FRMPD4: variants seen among roughly 807,000 people sequenced by gnomAD.
FRMPD4 encodes the protein FERM and PDZ domain-containing protein 4.
A neutral mutation model predicts 94.1 loss-of-function variants in FRMPD4; 22 were observed. The observed-to-expected ratio is 0.23, with a 90% CI of 0.17 to 0.33. The LOEUF (loss-of-function observed/expected upper bound fraction) is 0.33, where lower values mean the gene tolerates loss of function less well. FRMPD4 is among the 10% of genes least tolerant of loss of function. The pLI, the probability that FRMPD4 is intolerant of heterozygous loss-of-function variation, is 1.00. For synonymous variants in FRMPD4, 631 were observed against 548.6 expected (o/e 1.15, Z -2.10); for missense variants, 1,111 against 1,339.9 (o/e 0.83, Z 2.67).
chrX:12,692,969 C>G (rs2060092533), intron 8 of FRMPD4, among the ~76,000 whole-genome samples: 2 of 111,480 alleles, frequency 1.8e-5, no homozygotes, highest in South Asian at 7.6e-4. Flanking sequence ...GCCCTCAAGT[C>G]TCAGGAATCC....
intron 1 of FRMPD4, among the ~76,000 whole-genome samples, chrX:12,287,726 A>G (rs1431757567): frequency 8.9e-6 from 1 of 112,015 alleles, no homozygotes; most frequent in Non-Finnish European, 1.9e-5. Context: ...AGATCAGATC[A>G]GAAAGGTAGG....
At chrX:11,886,762 T>C (rs772268683) in intron 3 of FRMPD4, among the ~76,000 whole-genome samples, 264 of 111,268 alleles carry the variant, frequency 2.4e-3, no homozygotes, top group African/African-American at 8.3e-3. Context: ...TTGCTTATTC[T>C]ATTTCTCCAT....
chrX:12,686,302 C>CT (rs1180077697), intron 7 of FRMPD4, 98 bp downstream of exon 7: 4 of 451,453 alleles, frequency 8.9e-6, no homozygotes, highest in Non-Finnish European at 1.6e-5. Context: ...AGAACTATCC[C>CT]TTTATTTCTG....
chrX:12,592,998 C>G (rs143936602), intron 2 of FRMPD4, among the ~76,000 whole-genome samples: 3 of 111,765 alleles, frequency 2.7e-5, no homozygotes, highest in African/African-American at 9.8e-5. Flanking sequence ...AATTCTTCCT[C>G]CCACTCTAAC....
rs972822068 is a variant in FRMPD4 at position 12,648,775 on chromosome X, C to T, written c.423-26088C>T. 2.7e-5 allele frequency among the ~76,000 whole-genome samples: 3 copies of T among 112,208 alleles called. No individual in the cohort carries two copies. The East Asian group carries it at 8.4e-4, about 31-fold the overall frequency. ...TGGGAACTTTGAATACTGATAATGA[C>T]TTTACCATGGATAGAAGGAAAGGAC... On this transcript the variant is annotated intron_variant, in intron 4 of 16. Coordinates refer to ENST00000675598, the MANE Select transcript of FRMPD4 (RefSeq NM_001368397.1).
intron 2 of FRMPD4, among the ~76,000 whole-genome samples, chrX:12,550,102 C>G (rs2058518079): frequency 9.0e-6 from 1 of 111,339 alleles, no homozygotes; most frequent in Admixed American, 9.6e-5. Context: ...ACATATGTGA[C>G]AGGGTCAATC....
intron 2 of FRMPD4, among the ~76,000 whole-genome samples, chrX:12,542,364 T>A (rs1428135797): frequency 8.9e-6 from 1 of 112,393 alleles, no homozygotes; most frequent in Non-Finnish European, 1.9e-5. Context: ...AAAATCTCCT[T>A]AAGCTGATAA....
chrX:12,445,353 G>A (rs905976189), intron 1 of FRMPD4, among the ~76,000 whole-genome samples: 3 of 112,460 alleles, frequency 2.7e-5, no homozygotes, highest in Non-Finnish European at 5.6e-5. Flanking sequence ...TACATTGGTA[G>A]TATCTCATGC....
chrX:11,977,592 T>C (rs1023903260), intron 3 of FRMPD4, among the ~76,000 whole-genome samples: 6 of 111,878 alleles, frequency 5.4e-5, no homozygotes, highest in Non-Finnish European at 9.4e-5. Context: ...TGAGAACATG[T>C]GCCCAAGGTG....
intron 3 of FRMPD4, among the ~76,000 whole-genome samples, chrX:11,986,811 C>A (rs1038541426): frequency 1.8e-5 from 2 of 109,752 alleles, no homozygotes; most frequent in Admixed American, 2.0e-4. Flanking sequence ...CTAGAGGAAA[C>A]GGATAAATTT....
chrX:12,253,456 C>G (rs1601744013), intron 1 of FRMPD4, among the ~76,000 whole-genome samples: 1 of 112,133 alleles, frequency 8.9e-6, no homozygotes, highest in East Asian at 2.8e-4. Flanking sequence ...GAGTTTTATA[C>G]TCTTGTGGTT....
chrX:11,843,121 A>G (rs1040900948), intron 1 of FRMPD4, among the ~76,000 whole-genome samples: 2 of 112,010 alleles, frequency 1.8e-5, no homozygotes, highest in African/African-American at 6.5e-5. Flanking sequence ...CCAACATGTT[A>G]TATATACTTT....
chrX:11,822,820 TA>T (rs1309504172), intron 1 of FRMPD4, among the ~76,000 whole-genome samples: 4 of 112,363 alleles, frequency 3.6e-5, no homozygotes, highest in Non-Finnish European at 5.6e-5. Context: ...CAGTGCCCTT[TA>T]GGAAATCTAA....
intron 2 of FRMPD4, among the ~76,000 whole-genome samples, chrX:12,568,552 T>C (rs1419001300): frequency 1.8e-5 from 2 of 112,458 alleles, no homozygotes; most frequent in Non-Finnish European, 3.8e-5. Context: ...GATTTTTAAA[T>C]GATAAACTTT....
intron 1 of FRMPD4, among the ~76,000 whole-genome samples, chrX:12,462,394 T>A (rs1463265133): frequency 8.9e-6 from 1 of 112,056 alleles, no homozygotes. Context: ...AATGGATAAC[T>A]TTTTGTATTT....
intron 1 of FRMPD4, among the ~76,000 whole-genome samples, chrX:12,230,919 C>CTA (rs1207109234): frequency 1.7e-3 from 132 of 77,769 alleles, no homozygotes; most frequent in Middle Eastern, 0.013. Context: ...ATATATATTA[C>CTA]TATATTACTA....
chrX:12,506,128 T>C (rs1230418009), intron 2 of FRMPD4, among the ~76,000 whole-genome samples: 1 of 111,537 alleles, frequency 9.0e-6, no homozygotes, highest in Non-Finnish European at 1.9e-5. Flanking sequence ...GCTGAGCACA[T>C]GGGGCTGGCT....
Position 12,524,557 on chromosome X carries a change from C to G in FRMPD4, c.158+25761C>G, listed in dbSNP as rs139594897. On this transcript the variant is annotated intron_variant, in intron 2 of 16. Transcript: ENST00000675598. ...ATGATGGAGAGAAGGAAGAAGAGAA[C>G]AAGTAAGGAAGCAGACTCTCCAAAC... Among the ~76,000 whole-genome samples the G allele has an allele frequency of 9.9e-5, 11 of 111,673 alleles. No individual in the cohort carries two copies. In the East Asian group the frequency reaches 2.0e-3, roughly 20 times the overall value.
intron 1 of FRMPD4, among the ~76,000 whole-genome samples, chrX:12,164,463 T>C (rs1024120789): frequency 1.8e-5 from 2 of 112,383 alleles, no homozygotes; most frequent in Non-Finnish European, 3.8e-5. Flanking sequence ...GACATTTGGG[T>C]TGGTTCCAAG....
Sources: allele counts gnomAD v4.1 joint callset (sites outside exome capture counted in the v4.1 genomes callset), GRCh38; gene constraint gnomAD v4.1.1; transcripts MANE v1.5; gene names NCBI Gene and HGNC (gene_info 2026-07-23, HGNC 2026-07-21).